ATG5: variants seen among roughly 807,000 people sequenced by gnomAD.
The protein encoded by ATG5 is autophagy protein 5.
A neutral mutation model predicts 36.5 loss-of-function variants in ATG5; 14 were observed. The ratio of observed to expected loss-of-function variants is 0.38; its 90% confidence interval spans 0.25 to 0.60. ATG5 has a LOEUF of 0.60. Among genes scored for constraint, ATG5 ranks in the 20% least tolerant of loss-of-function variants. The probability of loss-of-function intolerance (pLI) is 0.60; values close to 1 mark genes in which losing one functional copy is unlikely to be tolerated. For synonymous variants in ATG5, 95 were observed against 101.5 expected, an observed-to-expected ratio of 0.94 and a Z score of 0.38; for missense variants, 195 against 326.7, an observed-to-expected ratio of 0.60 and a Z score of 3.11.
intron 5 of ATG5, among the ~76,000 whole-genome samples, chr6:106,278,125 G>A (rs1779734269): frequency 1.3e-5 from 2 of 151,994 alleles, no homozygotes; most frequent in Non-Finnish European, 2.9e-5. Flanking sequence ...TTTTTTTGCA[G>A]TGATGAGGTC....
At chr6:106,264,166 G>GA (rs1240542989) in intron 5 of ATG5, among the ~76,000 whole-genome samples, 2 of 152,210 alleles carry the variant, frequency 1.3e-5, no homozygotes, top group Non-Finnish European at 2.9e-5. Context: ...TGATGGAGCT[G>GA]AAAAACACAG....
intron 3 of ATG5, among the ~76,000 whole-genome samples, chr6:106,301,061 TA>T (rs1451856793): frequency 3.3e-5 from 5 of 151,996 alleles, no homozygotes; most frequent in Non-Finnish European, 5.9e-5. Context: ...AATTCTAATA[TA>T]AAACTAACAA....
At chr6:106,308,580 A>T (rs1770535395) in intron 2 of ATG5, 89 bp from the exon 3 acceptor site, 2 of 1,033,848 alleles carry the variant, frequency 1.9e-6, no homozygotes, top group Non-Finnish European at 2.6e-6. Flanking sequence ...AAGGAAAAAC[A>T]GCCGTGTTCT....
chr6:106,313,556 C>T (rs192127768), intron 2 of ATG5, among the ~76,000 whole-genome samples: 33 of 151,976 alleles, frequency 2.2e-4, no homozygotes, highest in African/African-American at 3.9e-4. Context: ...TGAACATAAA[C>T]GAAAAAATAC....
At chr6:106,321,239 G>A (rs1771052172) in intron 1 of ATG5, among the ~76,000 whole-genome samples, 1 of 152,010 alleles carries the variant, frequency 6.6e-6, no homozygotes, top group East Asian at 1.9e-4. Flanking sequence ...AGTACATTTG[G>A]TAACCACTCA....
In ATG5 at chr6:106,307,534, C is replaced by CTTTTTTTTTT. The variant is rs1562267881; in HGVS notation, c.236+829_236+830insAAAAAAAAAA. On this transcript the variant is annotated intron_variant, in intron 3 of 7. Coordinates refer to ENST00000369076, the MANE Select transcript of ATG5 (RefSeq NM_004849.4). ...CAGGTTTAGGATTTGATTTCAATACCCTTTTTTTTTTTTTTTTTTTTTGAG... is the reference window on the plus strand; with the variant it reads ...CAGGTTTAGGATTTGATTTCAATACCTTTTTTTTTTCTTTTTTTTTTTTTTTTTTTTTGAG... 1.4e-5 allele frequency among the ~76,000 whole-genome samples: 2 copies of CTTTTTTTTTT among 139,026 alleles called. 1 individual carries two copies. The highest frequency in any genetic ancestry group is 3.0e-5 in the Non-Finnish European group (2 of 65,876). 91.2% of individuals were successfully genotyped at this position (139,026 alleles called of 152,430 possible). A position where few individuals can be genotyped will look rare whatever the true frequency, so the allele number is the denominator to read the frequency against.
At chr6:106,242,502 AAC>A (rs562611742) in intron 6 of ATG5, among the ~76,000 whole-genome samples, 145 of 152,336 alleles carry the variant, frequency 9.5e-4, no homozygotes, top group African/African-American at 3.3e-3. Context: ...ATGAATGTAC[AAC>A]AGTGTGAACA....
At position 106,197,543 on chromosome 6, in the gene ATG5, T is replaced by G. The variant is rs936670557; in HGVS notation, c.691+4429A>C. ...TGGGTTGGGGTGGGGGGGGCGGGGGTGGATCCCTCATGAATAGATTCATGC... is the reference window on the plus strand; with the variant it reads ...TGGGTTGGGGTGGGGGGGGCGGGGGGGGATCCCTCATGAATAGATTCATGC... On this transcript the variant is annotated intron_variant, in intron 7 of 7. Coordinates refer to ENST00000369076, the MANE Select transcript of ATG5 (RefSeq NM_004849.4). Among the ~76,000 whole-genome samples, 294 of 146,414 alleles carry G rather than the reference T, an allele frequency of 2.0e-3. 2 individuals are homozygous for G. The highest frequency in any genetic ancestry group is 6.3e-3 in the African/African-American group (250 of 39,780).
chr6:106,311,735 T>C (rs1205486741), intron 2 of ATG5, among the ~76,000 whole-genome samples: 1 of 151,958 alleles, frequency 6.6e-6, no homozygotes, highest in East Asian at 1.9e-4. Context: ...ATCAGACATG[T>C]GATTTGAAAA....
At chr6:106,266,259 A>C (rs565346089) in intron 5 of ATG5, among the ~76,000 whole-genome samples, 2 of 152,360 alleles carry the variant, frequency 1.3e-5, no homozygotes, top group East Asian at 3.9e-4. Flanking sequence ...GAAATGGATA[A>C]ATTATTGGAC....
chr6:106,308,724 G>C (rs954089667), intron 2 of ATG5, among the ~76,000 whole-genome samples: 14 of 152,188 alleles, frequency 9.2e-5, no homozygotes, highest in African/African-American at 3.4e-4. Context: ...TGCCCAGAAT[G>C]ATCAACACAA....
chr6:106,300,447 A>C (rs533587513), intron 3 of ATG5, among the ~76,000 whole-genome samples: 2 of 152,304 alleles, frequency 1.3e-5, no homozygotes, highest in Admixed American at 6.5e-5. Flanking sequence ...AGAGTATTAA[A>C]TTCTGAGTCA....
chr6:106,292,898 T>C, intron 4 of ATG5, 130 bp downstream of exon 4: 1 of 683,220 alleles, frequency 1.5e-6, no homozygotes. Context: ...CAAATACTAA[T>C]CGAAGCTTAG....
chr6:106,205,621 T>C (rs907419846), intron 6 of ATG5, among the ~76,000 whole-genome samples: 2 of 152,218 alleles, frequency 1.3e-5, no homozygotes, highest in African/African-American at 2.4e-5. Context: ...CTTGGTTACA[T>C]ATTAAAAAAC....
rs147750476 is a variant in ATG5, at chr6:106,250,055, C to CT, written c.479-1812dup. Among the ~76,000 whole-genome samples, 1,183 of 151,036 alleles carry CT rather than the reference C, an allele frequency of 7.8e-3. 11 individuals carry two copies. Among genetic ancestry groups the CT allele is most frequent in the African/African-American group, 0.026 (1,082 of 41,266 alleles). On this transcript the variant is annotated intron_variant, in intron 5 of 7. Transcript: ENST00000369076. ...CTGTACATTGTTTTTTAAGCAACTCCTTTTTTTTTAACTCACCCAGAATCC... is the reference window on the plus strand; with the variant it reads ...CTGTACATTGTTTTTTAAGCAACTCCTTTTTTTTTTAACTCACCCAGAATCC...
At chr6:106,199,362 C>T (rs186112726) in intron 7 of ATG5, among the ~76,000 whole-genome samples, 1 of 152,302 alleles carries the variant, frequency 6.6e-6, no homozygotes, top group East Asian at 1.9e-4. Flanking sequence ...TGTGATGTAT[C>T]TACCCAATGG....
intron 5 of ATG5, among the ~76,000 whole-genome samples, chr6:106,265,157 C>T (rs1271719554): frequency 1.1e-4 from 6 of 56,560 alleles, no homozygotes; most frequent in Admixed American, 2.1e-4. Flanking sequence ...ATTTACCAAG[C>T]AAATGGAAAG....
At chr6:106,252,772 T>C (rs146327506) in intron 5 of ATG5, among the ~76,000 whole-genome samples, 2 of 152,330 alleles carry the variant, frequency 1.3e-5, no homozygotes, top group Non-Finnish European at 2.9e-5. Flanking sequence ...ACCGATGAAA[T>C]GGTCTCCACA....
At chr6:106,279,620 T>A (rs755799267) in intron 5 of ATG5, 41 bp downstream of exon 5, 7 of 1,382,944 alleles carry the variant, frequency 5.1e-6, no homozygotes, top group South Asian at 1.8e-5. Flanking sequence ...GTATCATATT[T>A]TATAAAGTGG....
Sources: allele counts gnomAD v4.1 joint callset (sites outside exome capture counted in the v4.1 genomes callset), GRCh38; gene constraint gnomAD v4.1.1; transcripts MANE v1.5; gene names NCBI Gene and HGNC (gene_info 2026-07-23, HGNC 2026-07-21).